Variants in DOT1L observed in about 807,000 individuals in gnomAD.
DOT1L encodes the protein DOT1 like histone lysine methyltransferase, also known as histone-lysine N-methyltransferase, H3 lysine-79 specific.
Under a neutral mutation model 153.3 loss-of-function variants are expected in DOT1L, and 33 were observed. That is an observed-to-expected ratio of 0.22 (90% CI 0.16 to 0.29). The LOEUF (loss-of-function observed/expected upper bound fraction) is 0.29. Among genes scored for constraint, DOT1L ranks in the 10% least tolerant of loss-of-function variants. The probability of loss-of-function intolerance (pLI) is 1.00; values close to 1 mark genes in which losing one functional copy is unlikely to be tolerated. For missense variants in DOT1L, 1,847 were observed against 2,119.9 expected (o/e 0.87, Z 2.53); for synonymous variants, 1,135 against 965.1 (o/e 1.18, Z -3.26).
chr19:2,228,932 C>T (rs774224952), intron 27 of DOT1L: 82 of 985,298 alleles, frequency 8.3e-5, no homozygotes, highest in Non-Finnish European at 9.5e-5. Context: ...GCCCCAAGTG[C>T]CCTGCCTGCC....
rs181382206 is a variant in DOT1L at position 2,208,057 on chromosome 19, G to A, written c.963+377G>A. ...CCTGTTCCCAGCTTCCTCCATGTGA[G>A]AGGGTCCTGAGCGGGGAGACACCAG... On this transcript the variant is annotated intron_variant, in intron 11 of 27. Transcript: ENST00000398665. The surrounding 1 kb of genome is among the most constrained non-coding windows in gnomAD (Gnocchi z 4.4). Among the ~76,000 whole-genome samples the A allele has an allele frequency of 1.1e-3, 160 of 152,266 alleles. No homozygotes were observed. The highest frequency in any genetic ancestry group is 3.4e-3 in the African/African-American group (141 of 41,546).
At chr19:2,227,526 A>C in intron 27 of DOT1L, 1 of 530,766 alleles carries the variant, frequency 1.9e-6, no homozygotes, top group Non-Finnish European at 3.3e-6. Flanking sequence ...CGCCGGGGGG[A>C]GCGGCCTGGC....
chr19:2,194,635 T>G (rs1261127755), intron 7 of DOT1L, 58 bp downstream of exon 7: 2 of 1,288,014 alleles, frequency 1.6e-6, no homozygotes, highest in African/African-American at 3.2e-5. Flanking sequence ...GCTCCCACCC[T>G]CCTGTCAGCC....
At chr19:2,172,927 A>G (rs895500134) in intron 1 of DOT1L, among the ~76,000 whole-genome samples, 5 of 151,580 alleles carry the variant, frequency 3.3e-5, no homozygotes, top group African/African-American at 1.2e-4. Flanking sequence ...CAGTGAGCTG[A>G]GATCGTGCCA....
At chr19:2,178,767 T>G (rs923439430) in intron 1 of DOT1L, among the ~76,000 whole-genome samples, 21 of 151,264 alleles carry the variant, frequency 1.4e-4, no homozygotes, top group African/African-American at 5.1e-4. Context: ...GGGTTTCACC[T>G]TGTTAGCCAG....
intron 3 of DOT1L, among the ~76,000 whole-genome samples, chr19:2,187,084 T>C (rs1045662023): frequency 2.6e-5 from 4 of 152,188 alleles, no homozygotes; most frequent in African/African-American, 9.7e-5. Context: ...TCCAGTCCCC[T>C]CTTTCTAAGC....
rs2023924421 is a variant in DOT1L, at chr19:2,216,859, T to C, written c.2408+94T>C. On this transcript the variant is annotated intron_variant, in intron 20 of 27. Coordinates refer to ENST00000398665, the MANE Select transcript of DOT1L (RefSeq NM_032482.3). ...GTCGGGTTCTCAGCAGGAGTGTGTT[T>C]GTTGAGGAGACTGAGGTGGGGAGGT... 5 of 1,557,278 alleles carry C rather than the reference T, an allele frequency of 3.2e-6. No individual in the cohort carries two copies. In the Middle Eastern group the frequency reaches 5.2e-4, roughly 162 times the overall value.
rs374410483 is a variant in DOT1L at position 2,222,584 on chromosome 19, G to A, written c.3390+25G>A. The A allele has an allele frequency of 2.6e-6, 4 of 1,512,908 alleles. No individual in the cohort carries two copies. The highest frequency in any genetic ancestry group is 3.5e-6 in the Non-Finnish European group (4 of 1,134,842). The allele number at this position is 1,512,908 out of a possible 1,614,324, so 93.7% of individuals were successfully genotyped here. Reference sequence around the variant, plus strand: ...GGTAAGGATGGGGACCGGCAGGGCTGGGGAGCGCGGCCTGTGAAAGAAAGA... The same window carrying A: ...GGTAAGGATGGGGACCGGCAGGGCTAGGGAGCGCGGCCTGTGAAAGAAAGA... On this transcript the variant is annotated intron_variant, in intron 24 of 27. Transcript: ENST00000398665. This position sits in a 1 kb window ranked among gnomAD's most constrained non-coding sequence, Gnocchi z 6.5.
chr19:2,198,397 A>T (rs2023106359), intron 7 of DOT1L, among the ~76,000 whole-genome samples: 1 of 152,060 alleles, frequency 6.6e-6, no homozygotes, highest in Non-Finnish European at 1.5e-5. Flanking sequence ...GCGGCCTTGG[A>T]GAGCGGAGGA....
intron 25 of DOT1L, among the ~76,000 whole-genome samples, chr19:2,225,037 G>A (rs1032222546): frequency 2.0e-5 from 3 of 152,216 alleles, no homozygotes; most frequent in Admixed American, 2.0e-4. Flanking sequence ...GTCTGAGAGG[G>A]GCCGGGAGAG....
chr19:2,208,903 C>T lies in DOT1L; in HGVS notation c.964-32C>T, dbSNP rs2023606347. 6.2e-7 allele frequency: 1 copy of T among 1,608,968 alleles called. No homozygotes were observed. The highest frequency in any genetic ancestry group is 8.5e-7 in the Non-Finnish European group (1 of 1,177,682). ...AAATCCGAACAGAGATTGGGACTCC[C>T]TTCTAATCAGGGTTCTCTTTCTTCT... is the stretch of plus-strand genomic sequence containing the variant. On this transcript the variant is annotated intron_variant, in intron 11 of 27. Coordinates refer to ENST00000398665, the MANE Select transcript of DOT1L (RefSeq NM_032482.3). The surrounding 1 kb of genome is among the most constrained non-coding windows in gnomAD (Gnocchi z 4.4).
rs1222977879 is a variant in DOT1L, at chr19:2,226,866, T to G, written c.4345T>G (p.Ser1449Ala). The change falls in exon 27 of 28, where the codon TCC (serine) becomes GCC (alanine). Residue 1449 changes from serine (S) to alanine (A), a missense_variant. Coordinates refer to ENST00000398665, the MANE Select transcript of DOT1L (RefSeq NM_032482.3). Reference protein sequence around the residue: ...LSGPGLAPAASSAGGAASSAQ... With the variant: ...LSGPGLAPAAASAGGAASSAQ... ...CGGCCCCGGCCTGGCCCCGGCGGCG[T>G]CCTCCGCAGGCGGCGCGGCGTCCTC... 6.4e-7 allele frequency: 1 copy of G among 1,574,478 alleles called. No individual in the cohort carries two copies. Among genetic ancestry groups the G allele is most frequent in the South Asian group, 1.1e-5 (1 of 88,118 alleles).
At chr19:2,168,017 G>C (rs2144644892) in intron 1 of DOT1L, among the ~76,000 whole-genome samples, 1 of 152,254 alleles carries the variant, frequency 6.6e-6, no homozygotes, top group African/African-American at 2.4e-5. Context: ...TGACAGGCGT[G>C]AACCACCGTG....
chr19:2,223,897 A>G (rs1156562294), intron 25 of DOT1L, among the ~76,000 whole-genome samples: 1 of 152,158 alleles, frequency 6.6e-6, no homozygotes, highest in African/African-American at 2.4e-5. Context: ...GTATATCCAC[A>G]TTACCACTGC....
intron 8 of DOT1L, 44 bp from the exon 9 acceptor site, chr19:2,202,656 T>G: frequency 1.2e-5 from 19 of 1,592,242 alleles, no homozygotes; most frequent in East Asian, 2.2e-5. Context: ...GCTGTGCCCG[T>G]GAGACGAGCC....
chr19:2,227,520 G>A (rs902863852), intron 27 of DOT1L: 4 of 526,488 alleles, frequency 7.6e-6, no homozygotes, highest in East Asian at 7.0e-5. Context: ...AGGAGCCGCC[G>A]GGGGGAGCGG....
intron 7 of DOT1L, among the ~76,000 whole-genome samples, chr19:2,194,794 A>G (rs945790336): frequency 7.2e-5 from 11 of 152,140 alleles, no homozygotes; most frequent in African/African-American, 1.7e-4. Flanking sequence ...CCTCTCTGAC[A>G]TGGCTTCTGT....
intron 8 of DOT1L, among the ~76,000 whole-genome samples, chr19:2,202,002 C>T (rs979077792): frequency 1.3e-5 from 2 of 152,218 alleles, no homozygotes; most frequent in Non-Finnish European, 2.9e-5. Flanking sequence ...GTGTGCATCA[C>T]GGAGCTTCCT....
At chr19:2,216,842 C>T in intron 20 of DOT1L, 77 bp downstream of exon 20, 1 of 1,554,426 alleles carries the variant, frequency 6.4e-7, no homozygotes, top group Non-Finnish European at 8.7e-7. Context: ...CTGTCGGGTT[C>T]TCAGCAGGAG....
Sources: gnomAD v4.1 joint callset for allele counts (sites outside exome capture counted in the v4.1 genomes callset) on GRCh38, gnomAD v4.1.1 for gene constraint, Gnocchi (gnomAD v3.1) non-coding constraint, MANE v1.5 for transcripts, NCBI Gene and HGNC (gene_info 2026-07-23, HGNC 2026-07-21) for gene names.